BCAS3: variants seen among roughly 807,000 people sequenced by gnomAD.
BCAS3 encodes the protein BCAS3 microtubule associated cell migration factor, also known as BCAS4/BCAS3 fusion.
A neutral mutation model predicts 116.1 loss-of-function variants in BCAS3; 53 were observed. The observed-to-expected ratio is 0.46, with a 90% confidence interval of 0.37 to 0.57. BCAS3 has a LOEUF of 0.57. BCAS3 is among the 20% of genes least tolerant of loss of function. The probability of loss-of-function intolerance (pLI) is 0.00; values close to 1 mark genes in which losing one functional copy is unlikely to be tolerated. For missense variants in BCAS3, 917 were observed against 1,165.4 expected (o/e 0.79, Z 3.10); for synonymous variants, 391 against 408.2 (o/e 0.96, Z 0.51).
intron 6 of BCAS3, among the ~76,000 whole-genome samples, chr17:60,754,980 A>T (rs762326353): frequency 1.3e-5 from 2 of 152,210 alleles, no homozygotes; most frequent in Non-Finnish European, 2.9e-5. Flanking sequence ...ACTTGTGATC[A>T]TTTAGGTTTT....
intron 4 of BCAS3, among the ~76,000 whole-genome samples, chr17:60,698,719 T>C (rs769294740): frequency 3.3e-5 from 5 of 152,072 alleles, no homozygotes; most frequent in Admixed American, 1.3e-4. Context: ...ACCTAACTTG[T>C]TTTTGCCAAT....
intron 7 of BCAS3, among the ~76,000 whole-genome samples, chr17:60,853,601 A>G (rs56361750): frequency 0.066 from 10,054 of 152,238 alleles, 1,091 homozygotes; most frequent in African/African-American, 0.23. Flanking sequence ...GATAGTCACT[A>G]GTAACATTTT....
At chr17:60,837,654 T>A (rs2051482508) in intron 7 of BCAS3, among the ~76,000 whole-genome samples, 1 of 97,632 alleles carries the variant, frequency 1.0e-5, no homozygotes, top group African/African-American at 5.4e-5. Context: ...TCACAATACT[T>A]TTTTTTTTTT....
intron 22 of BCAS3, among the ~76,000 whole-genome samples, chr17:61,107,113 G>T: frequency 7.7e-6 from 1 of 129,404 alleles, no homozygotes; most frequent in Non-Finnish European, 1.6e-5. Flanking sequence ...TTGAGACGGA[G>T]TCTCGCTCTG....
chr17:61,145,052 T>A lies in BCAS3; in HGVS notation c.2425+60488T>A, dbSNP rs2077121052. ...AACAAGATAACAACTCCAGGCCAGCTGTCAAATGTTTACCATTATCAAAAC... is the reference window on the plus strand; with the variant it reads ...AACAAGATAACAACTCCAGGCCAGCAGTCAAATGTTTACCATTATCAAAAC... On this transcript the variant is annotated intron_variant, in intron 22 of 23. Transcript: ENST00000407086. This position sits in a 1 kb window ranked among gnomAD's most constrained non-coding sequence, Gnocchi z 5.0. Among the ~76,000 whole-genome samples, 1 of 152,236 alleles carries A rather than the reference T, an allele frequency of 6.6e-6. No homozygotes were observed. Among genetic ancestry groups the A allele is most frequent in the South Asian group, 2.1e-4 (1 of 4,832 alleles).
intron 6 of BCAS3, among the ~76,000 whole-genome samples, chr17:60,763,928 G>C (rs2043814275): frequency 6.6e-6 from 1 of 151,954 alleles, no homozygotes. Context: ...GTGTTGGGAG[G>C]GTGTATGTGT....
At chr17:60,947,717 A>G (rs1466182316) in intron 14 of BCAS3, among the ~76,000 whole-genome samples, 1 of 152,196 alleles carries the variant, frequency 6.6e-6, no homozygotes, top group Non-Finnish European at 1.5e-5. Context: ...GTATGTGCAT[A>G]CATACACACA....
intron 7 of BCAS3, among the ~76,000 whole-genome samples, chr17:60,814,300 T>TGCGCGCGC (rs1216288009): frequency 0.01 from 1,326 of 130,500 alleles, 14 homozygotes; most frequent in Non-Finnish European, 0.015. Context: ...TGTGTGTGTG[T>TGCGCGCGC]GTGTGTGCGC....
At chr17:60,966,382 G>A (rs1199938237) in intron 14 of BCAS3, among the ~76,000 whole-genome samples, 1 of 152,068 alleles carries the variant, frequency 6.6e-6, no homozygotes, top group African/African-American at 2.4e-5. Context: ...TAGTTTTCTG[G>A]TTGTTTCTTT....
chr17:61,163,241 G>A (rs915289475), intron 22 of BCAS3, among the ~76,000 whole-genome samples: 16 of 152,024 alleles, frequency 1.1e-4, no homozygotes, highest in Middle Eastern at 3.4e-3. Flanking sequence ...TGGCTAACAC[G>A]GTGAAACCCA....
intron 12 of BCAS3, among the ~76,000 whole-genome samples, chr17:60,921,890 G>A (rs73320681): frequency 0.047 from 7,202 of 151,772 alleles, 550 homozygotes; most frequent in African/African-American, 0.16. Context: ...ACGTCAAGAA[G>A]TATTACTGGA....
intron 22 of BCAS3, among the ~76,000 whole-genome samples, chr17:61,275,794 T>C (rs750400426): frequency 2.0e-4 from 30 of 152,216 alleles, no homozygotes; most frequent in Admixed American, 1.2e-3. Flanking sequence ...CACAGCACCG[T>C]GTGCCCTACA....
intron 13 of BCAS3, among the ~76,000 whole-genome samples, chr17:60,945,041 G>A (rs181140202): frequency 2.0e-5 from 3 of 152,136 alleles, no homozygotes; most frequent in East Asian, 1.9e-4. Flanking sequence ...CCTAAACTAC[G>A]TAATTGTCAT....
At chr17:61,192,294 TATA>T (rs1216159807) in intron 22 of BCAS3, among the ~76,000 whole-genome samples, 1 of 127,292 alleles carries the variant, frequency 7.9e-6, no homozygotes, top group Non-Finnish European at 1.7e-5. Context: ...TCAACATTTA[TATA>T]ATAAGAGTTC....
intron 22 of BCAS3, among the ~76,000 whole-genome samples, chr17:61,238,221 T>C (rs2083215633): frequency 1.9e-5 from 1 of 51,318 alleles, no homozygotes; most frequent in Non-Finnish European, 4.0e-5. Flanking sequence ...CCTGGCAGTT[T>C]TTCGGGTTTT....
chr17:61,049,748 TTG>T (rs1318491723), intron 19 of BCAS3, among the ~76,000 whole-genome samples: 10 of 149,164 alleles, frequency 6.7e-5, no homozygotes, highest in African/African-American at 2.5e-4. Context: ...TTTTTTTTTT[TTG>T]AGACGGAGTT....
Position 61,162,902 on chromosome 17 carries a change from A to T in BCAS3, c.2425+78338A>T, listed in dbSNP as rs2078247270. 6.6e-6 allele frequency among the ~76,000 whole-genome samples: 1 copy of T among 152,208 alleles called. No homozygotes were observed. Among genetic ancestry groups the T allele is most frequent in the Admixed American group, 6.5e-5 (1 of 15,278 alleles). On this transcript the variant is annotated intron_variant, in intron 22 of 23. Transcript: ENST00000407086. This position sits in a 1 kb window ranked among gnomAD's most constrained non-coding sequence, Gnocchi z 5.6. ...TGACGTTAGAGCTTTTTACTTAATAAATTATATACATATATATCTTGCTTA... is the reference window on the plus strand; with the variant it reads ...TGACGTTAGAGCTTTTTACTTAATATATTATATACATATATATCTTGCTTA...
chr17:60,889,006 C>T (rs1047354776), intron 9 of BCAS3, among the ~76,000 whole-genome samples: 7 of 152,006 alleles, frequency 4.6e-5, no homozygotes, highest in Non-Finnish European at 8.8e-5. Flanking sequence ...GAGTCAGCGG[C>T]GAAGAAAACC....
rs138899978 is a variant in BCAS3 at position 61,141,710 on chromosome 17, G to C, written c.2425+57146G>C. Among the ~76,000 whole-genome samples the C allele has an allele frequency of 6.6e-6, 1 of 152,000 alleles. No homozygotes were observed. The highest frequency in any genetic ancestry group is 1.5e-5 in the Non-Finnish European group (1 of 68,004). On this transcript the variant is annotated intron_variant, in intron 22 of 23. Coordinates refer to ENST00000407086, the MANE Select transcript of BCAS3 (RefSeq NM_017679.5). The surrounding 1 kb of genome is among the most constrained non-coding windows in gnomAD (Gnocchi z 4.3). ...GAGGTCAAGAGATCAAGACCATCCC[G>C]GCCAACATGATGAAACCCCACCTCT...
Sources: allele counts gnomAD v4.1 joint callset (sites outside exome capture counted in the v4.1 genomes callset), GRCh38; gene constraint gnomAD v4.1.1; non-coding constraint Gnocchi (gnomAD v3.1); transcripts MANE v1.5; gene names NCBI Gene and HGNC (gene_info 2026-07-23, HGNC 2026-07-21).